PRR5: variants seen among roughly 807,000 people sequenced by gnomAD.
The protein encoded by PRR5 is proline rich 5, also known as proline-rich protein 5.
In PRR5, 25 loss-of-function variants were observed where a neutral mutation model predicts 30.6. That is an observed-to-expected ratio of 0.82 (90% CI 0.60 to 1.14). PRR5 has a LOEUF of 1.14. PRR5 is among the 50% of genes most tolerant of loss of function. PRR5 has a pLI of 0.00. For synonymous variants in PRR5, 286 were observed against 247.1 expected, an observed-to-expected ratio of 1.16 and a Z score of -1.48; for missense variants, 600 against 547.1, an observed-to-expected ratio of 1.10 and a Z score of -0.96.
intron 1 of PRR5, among the ~76,000 whole-genome samples, chr22:44,692,456 G>C (rs1397916194): frequency 3.8e-5 from 4 of 106,204 alleles, no homozygotes; most frequent in African/African-American, 1.4e-4. Context: ...CTCCTCCACC[G>C]GGGGAAATTC....
At chr22:44,713,069 C>A (rs752402786) in intron 1 of PRR5, among the ~76,000 whole-genome samples, 34 of 152,186 alleles carry the variant, frequency 2.2e-4, no homozygotes, top group Non-Finnish European at 4.1e-4. Flanking sequence ...CCCGGAGGGT[C>A]CTGCAGTCTC....
At chr22:44,673,846 C>T (rs1185328067), upstream of PRR5, among the ~76,000 whole-genome samples, 1 of 152,182 alleles carries the variant, frequency 6.6e-6, no homozygotes, top group East Asian at 1.9e-4. Flanking sequence ...CGTTCTGCTT[C>T]ATGCCTTCCA....
intron 1 of PRR5, among the ~76,000 whole-genome samples, chr22:44,693,710 C>T (rs1601971002): frequency 1.4e-5 from 2 of 142,804 alleles, no homozygotes; most frequent in African/African-American, 5.1e-5. Flanking sequence ...TCAGTGCAAG[C>T]TCTGTCTCTC....
intron 3 of PRR5, 116 bp from the exon 4 acceptor site, chr22:44,726,461 C>T (rs537495596): frequency 4.0e-5 from 59 of 1,470,528 alleles, no homozygotes; most frequent in Middle Eastern, 3.5e-4. Flanking sequence ...CAGTGAGTCT[C>T]CTCCCCCTTT....
Position 44,691,608 on chromosome 22 carries a change from T to TAA in PRR5, c.-10-10883_-10-10882insAA, listed in dbSNP as rs1925246469. ...GGCCAACATGGCAAAACCCCGTCTC[T>TAA]ACTAAAAACACAAAAACTAGCCAGG... On this transcript the variant is annotated intron_variant, in intron 1 of 8. Coordinates refer to the PRR5 transcript ENST00000006251. The surrounding 1 kb of genome is among the most constrained non-coding windows in gnomAD (Gnocchi z 4.4). Among the ~76,000 whole-genome samples the TAA allele has an allele frequency of 6.6e-6, 1 of 152,092 alleles. No individual in the cohort carries two copies. The highest frequency in any genetic ancestry group is 2.4e-5 in the African/African-American group (1 of 41,420).
In PRR5 at chr22:44,691,301, C is replaced by T. The variant is rs571939635; in HGVS notation, c.-10-11191C>T. ...CACCAGCCTGTGACCCTGCAGGTGA[C>T]GTCAGGACTCAGAACCTCCATGTCC... On this transcript the variant is annotated intron_variant, in intron 1 of 8. Coordinates refer to the PRR5 transcript ENST00000006251. This position sits in a 1 kb window ranked among gnomAD's most constrained non-coding sequence, Gnocchi z 4.4. Among the ~76,000 whole-genome samples the T allele has an allele frequency of 7.9e-5, 12 of 152,236 alleles. 1 individual carries two copies. Among genetic ancestry groups the T allele is most frequent in the Admixed American group, 3.9e-4 (6 of 15,298 alleles).
rs763464271 is a variant in PRR5, at chr22:44,736,789, C to G, written c.709C>G (p.Arg237Gly). 5 of 1,553,392 alleles carry G rather than the reference C, an allele frequency of 3.2e-6. No homozygotes were observed. Among genetic ancestry groups the G allele is most frequent in the Non-Finnish European group, 4.4e-6 (5 of 1,145,102 alleles). ...SCILEKRLLR[R>G]SRSGDVLAKN... ...CTCCCCAGAAAAGCGCCTCCTCCGCCGCTCCCGCTCGGGGGACGTGCTGGC... is the reference window on the plus strand; with the variant it reads ...CTCCCCAGAAAAGCGCCTCCTCCGCGGCTCCCGCTCGGGGGACGTGCTGGC... Residue 237 changes from arginine to glycine, a missense_variant, in exon 8 of 8, where the codon CGC becomes GGC. Arg to Gly is a moderately radical substitution (Grantham distance 125). Transcript: ENST00000336985.
At chr22:44,704,526 A>C (rs1186411431) in intron 1 of PRR5, among the ~76,000 whole-genome samples, 1 of 151,904 alleles carries the variant, frequency 6.6e-6, no homozygotes, top group East Asian at 1.9e-4. Context: ...GAGAAATGCC[A>C]GCCCCTCCCC....
intron 1 of PRR5, among the ~76,000 whole-genome samples, chr22:44,677,761 A>C (rs1411166031): frequency 6.6e-6 from 1 of 152,192 alleles, no homozygotes; most frequent in African/African-American, 2.4e-5. Context: ...GACCTTGGAC[A>C]GGTTGCTTCA....
At chr22:44,692,816 C>T (rs1447755446) in intron 1 of PRR5, among the ~76,000 whole-genome samples, 1 of 152,252 alleles carries the variant, frequency 6.6e-6, no homozygotes, top group African/African-American at 2.4e-5. Context: ...TTCCCCGGGC[C>T]TGCCTGGCAG....
rs566594947 is a variant in PRR5, at chr22:44,737,379, G to A, written c.*132G>A. On this transcript the variant is annotated 3_prime_UTR_variant, in exon 8 of 8. Coordinates refer to ENST00000336985, the MANE Select transcript of PRR5 (RefSeq NM_181333.4). Reference sequence around the variant, plus strand: ...CCCTATCGGCCTCGTCACTGGCCTTGGTCACTTTGTATTTCTGTCTTGGTT... The same window carrying A: ...CCCTATCGGCCTCGTCACTGGCCTTAGTCACTTTGTATTTCTGTCTTGGTT... 4 of 1,409,112 alleles carry A rather than the reference G, an allele frequency of 2.8e-6. No homozygotes were observed. The South Asian group carries it at 6.1e-5, about 21-fold the overall frequency. The allele number at this position is 1,409,112 out of a possible 1,614,324, so 87.3% of individuals were successfully genotyped here.
intron 7 of PRR5, 124 bp from the exon 8 acceptor site, chr22:44,736,648 C>T: frequency 6.9e-7 from 1 of 1,447,482 alleles, no homozygotes; most frequent in Non-Finnish European, 9.1e-7. Flanking sequence ...TGAGCCGGGC[C>T]CCGGGTCGGG....
rs1923001203 is a variant in PRR5 at position 44,735,246 on chromosome 22, C to T, written c.691+84C>T. On this transcript the variant is annotated intron_variant, in intron 7 of 7. Coordinates refer to ENST00000336985, the MANE Select transcript of PRR5 (RefSeq NM_181333.4). ...TGAACAAATGGGCAAGCCGAGGCCC[C>T]ACGACAGAACCAGGATCTGACTCCA... 3 of 1,436,068 alleles carry T rather than the reference C, an allele frequency of 2.1e-6. No individual in the cohort carries two copies. The African/African-American group carries it at 4.3e-5, about 20-fold the overall frequency. 89.0% of individuals were successfully genotyped at this position (1,436,068 alleles called of 1,614,324 possible).
intron 4 of PRR5, among the ~76,000 whole-genome samples, chr22:44,728,652 A>C (rs1419309211): frequency 6.6e-6 from 1 of 152,168 alleles, no homozygotes; most frequent in Non-Finnish European, 1.5e-5. Flanking sequence ...GTGGGGACAT[A>C]GCCACCTCCA....
At chr22:44,731,636 T>C (rs1275162225) in intron 4 of PRR5, 94 bp from the exon 5 acceptor site, 4 of 1,301,616 alleles carry the variant, frequency 3.1e-6, no homozygotes, top group Non-Finnish European at 4.4e-6. Flanking sequence ...GCCCAGGCCC[T>C]CCACTCCCGC....
intron 1 of PRR5, among the ~76,000 whole-genome samples, chr22:44,690,873 G>A (rs1015832988): frequency 1.3e-5 from 2 of 152,100 alleles, no homozygotes; most frequent in Admixed American, 1.3e-4. Flanking sequence ...GGCCTGGCAG[G>A]GCGTGGCGGG....
Position 44,714,823 on chromosome 22 carries a change from T to G in PRR5, c.215+152T>G, listed in dbSNP as rs1235855509. 4 of 1,110,206 alleles carry G rather than the reference T, an allele frequency of 3.6e-6. No individual in the cohort carries two copies. In the Admixed American group the frequency reaches 8.2e-5, roughly 23 times the overall value. 68.8% of individuals were successfully genotyped at this position (1,110,206 alleles called of 1,614,324 possible). ...TGTCAACAGGAGAGCGAGGCCCAAG[T>G]TAGCAGTGGCCATGGGGCCAGGACG... On this transcript the variant is annotated intron_variant, in intron 2 of 7. Transcript: ENST00000336985.
At chr22:44,674,269 G>C (rs1923586253), upstream of PRR5, among the ~76,000 whole-genome samples, 1 of 151,764 alleles carries the variant, frequency 6.6e-6, no homozygotes, top group Non-Finnish European at 1.5e-5. Flanking sequence ...ACCACACCCT[G>C]CCAGTGTTTT....
chr22:44,705,085 G>A lies in PRR5; in HGVS notation c.134+2477G>A, dbSNP rs143308707. 2.2e-3 allele frequency among the ~76,000 whole-genome samples: 330 copies of A among 152,276 alleles called. 1 individual carries two copies. The highest frequency in any genetic ancestry group is 7.8e-3 in the African/African-American group (323 of 41,554). On this transcript the variant is annotated intron_variant, in intron 1 of 7. Coordinates refer to ENST00000336985, the MANE Select transcript of PRR5 (RefSeq NM_181333.4). ...CCCTTTTATCTGTGTGACTGTATTA[G>A]CTTCCCAGAGCTGCTGTAACAAAGA...
Sources: gnomAD v4.1 joint callset for allele counts (sites outside exome capture counted in the v4.1 genomes callset) on GRCh38, gnomAD v4.1.1 for gene constraint, Gnocchi (gnomAD v3.1) non-coding constraint, MANE v1.5 for transcripts, NCBI Gene and HGNC (gene_info 2026-07-23, HGNC 2026-07-21) for gene names.